The following ZMYM5 variants were observed in gnomAD, a reference collection of about 807,000 sequenced individuals.
The protein encoded by ZMYM5 is zinc finger MYM-type containing 5, also known as zinc finger MYM-type protein 5.
ZMYM5 carries 41 observed loss-of-function variants against 61.8 expected under a neutral mutation model. The observed-to-expected ratio is 0.66, with a 90% CI of 0.52 to 0.86. The LOEUF (loss-of-function observed/expected upper bound fraction) is 0.86, where lower values mean the gene tolerates loss of function less well. Among genes scored for constraint, ZMYM5 ranks in the 40% least tolerant of loss-of-function variants. The probability of loss-of-function intolerance (pLI) is 0.00; values close to 1 mark genes in which losing one functional copy is unlikely to be tolerated. For missense variants in ZMYM5, 706 were observed against 786.7 expected (o/e 0.90, Z 1.23); for synonymous variants, 257 against 276.4 (o/e 0.93, Z 0.70).
chr13:19,837,386 TA>T, intron 6 of ZMYM5: 1 of 1,420,980 alleles, frequency 7.0e-7, no homozygotes, highest in Non-Finnish European at 9.2e-7. Flanking sequence ...ATGTCATCAG[TA>T]ATAACAAAAT....
chr13:19,841,018 A>T (rs1198150522), intron 4 of ZMYM5, among the ~76,000 whole-genome samples: 1 of 136,662 alleles, frequency 7.3e-6, no homozygotes, highest in Non-Finnish European at 1.5e-5. Context: ...TTTGAGACAG[A>T]GTCTTGCACT....
chr13:19,849,985 A>G (rs1190506251), intron 4 of ZMYM5, among the ~76,000 whole-genome samples: 1 of 151,966 alleles, frequency 6.6e-6, no homozygotes, highest in East Asian at 1.9e-4. Context: ...TCAAAAAAAA[A>G]AAAGGGAAAA....
intron 7 of ZMYM5, among the ~76,000 whole-genome samples, chr13:19,829,706 C>T (rs1593845089): frequency 6.6e-6 from 1 of 152,272 alleles, no homozygotes; most frequent in African/African-American, 2.4e-5. Flanking sequence ...TTGACCCTCT[C>T]GCCTCAGTCT....
chr13:19,850,136 G>C (rs961108904), intron 4 of ZMYM5, among the ~76,000 whole-genome samples: 2 of 151,818 alleles, frequency 1.3e-5, no homozygotes, highest in African/African-American at 4.8e-5. Context: ...CCCCTCACAA[G>C]TCACATAAAA....
intron 2 of ZMYM5, among the ~76,000 whole-genome samples, chr13:19,858,585 C>CA (rs34468029): frequency 0.73 from 62,580 of 85,412 alleles, 23,951 homozygotes; most frequent in East Asian, 0.92. Flanking sequence ...GACGCTGTTT[C>CA]AAAAAAAAAA....
At chr13:19,828,015 T>C (rs866203789) in intron 7 of ZMYM5, among the ~76,000 whole-genome samples, 491 of 36,964 alleles carry the variant, frequency 0.013, 6 homozygotes, top group African/African-American at 0.046. Flanking sequence ...CGAGACTCCA[T>C]CTCAAAAAAA....
At chr13:19,843,520 A>G (rs1952960285) in intron 4 of ZMYM5, 1 of 152,122 alleles carries the variant, frequency 6.6e-6, no homozygotes, top group Non-Finnish European at 1.5e-5. Flanking sequence ...GTAAGAAAGT[A>G]TTATAAAACA....
At position 19,837,626 on chromosome 13, in the gene ZMYM5, AAAC is replaced by A. The variant is rs747434687; in HGVS notation, c.1038+27_1038+29del. The A allele has an allele frequency of 6.9e-6, 11 of 1,601,880 alleles. No individual in the cohort carries two copies. The Admixed American group carries it at 7.2e-5, about 10-fold the overall frequency. On this transcript the variant is annotated intron_variant, in intron 6 of 7. Coordinates refer to ENST00000337963, the MANE Select transcript of ZMYM5 (RefSeq NM_001142684.2). ...AAGTTAAAATTATCACTGTTAGCCT[AAAC>A]AACAACTTAGGTATAAAAATCCAGA...
chr13:19,846,979 G>A lies in ZMYM5; in HGVS notation c.586+4376C>T, dbSNP rs1055698251. ...AAAAAAATTTTTTTGAGACAGTCTC[G>A]CTCTGCTGCCCAGGCTGGAGTGCAA... On this transcript the variant is annotated intron_variant, in intron 4 of 7. Coordinates refer to ENST00000337963, the MANE Select transcript of ZMYM5 (RefSeq NM_001142684.2). Among the ~76,000 whole-genome samples the A allele has an allele frequency of 3.3e-5, 5 of 152,066 alleles. 1 individual carries two copies. The highest frequency in any genetic ancestry group is 2.0e-4 in the Admixed American group (3 of 15,222).
At chr13:19,855,069 T>A (rs191694370) in intron 2 of ZMYM5, among the ~76,000 whole-genome samples, 1 of 152,200 alleles carries the variant, frequency 6.6e-6, no homozygotes, top group African/African-American at 2.4e-5. Flanking sequence ...TGAAAAAGAT[T>A]GGGGGCCAGG....
intron 7 of ZMYM5, among the ~76,000 whole-genome samples, chr13:19,825,689 AAAG>A (rs1890879065): frequency 6.6e-6 from 1 of 151,874 alleles, no homozygotes; most frequent in Non-Finnish European, 1.5e-5. Flanking sequence ...ACAAGTCCCA[AAAG>A]AAGAAGAAAA....
intron 2 of ZMYM5, among the ~76,000 whole-genome samples, chr13:19,854,756 G>C (rs1421843079): frequency 2.0e-5 from 3 of 151,934 alleles, no homozygotes; most frequent in East Asian, 1.9e-4. Flanking sequence ...AAGTGAGGAA[G>C]GAACTATTAC....
At chr13:19,858,322 C>T (rs1199266615) in intron 2 of ZMYM5, among the ~76,000 whole-genome samples, 1 of 151,962 alleles carries the variant, frequency 6.6e-6, no homozygotes, top group East Asian at 1.9e-4. Flanking sequence ...CAGTATAATG[C>T]CCCTGTAATC....
At chr13:19,856,391 A>T (rs1043814377) in intron 2 of ZMYM5, among the ~76,000 whole-genome samples, 1 of 152,152 alleles carries the variant, frequency 6.6e-6, no homozygotes. Context: ...CTGTAATCCC[A>T]GCACTTTGGG....
Position 19,825,094 on chromosome 13 carries a change from T to C in ZMYM5, c.1393A>G (p.Lys465Glu). The C allele has an allele frequency of 2.9e-6, 4 of 1,367,316 alleles. No individual in the cohort carries two copies. Among genetic ancestry groups the C allele is most frequent in the Non-Finnish European group, 2.9e-6 (3 of 1,021,718 alleles). 84.7% of individuals were successfully genotyped at this position (1,367,316 alleles called of 1,614,324 possible). The change falls in exon 8 of 8, where the codon AAG becomes GAG. Residue 465 changes from lysine (K) to glutamate (E), a missense_variant. By Grantham distance (56) the Lys-to-Glu change is moderately conservative (BLOSUM62 1). This residue lies in a region of ZMYM5 where 226 missense variants were observed against 325.0 expected (regional missense o/e 0.70). Coordinates refer to ENST00000337963, the MANE Select transcript of ZMYM5 (RefSeq NM_001142684.2). The stretch of plus-strand genomic sequence containing the variant: ...ACTGAAAGCTGTAGCTGTGAAGTCT[T>C]TTCCTTTTTTTCTGGGATTCCCTCT... Reference protein sequence around the residue: ...KIEGIPEKKEKTSQLQLSVEC... With the variant: ...KIEGIPEKKEETSQLQLSVEC...
chr13:19,844,482 G>T (rs1953005610), intron 4 of ZMYM5, among the ~76,000 whole-genome samples: 1 of 152,160 alleles, frequency 6.6e-6, no homozygotes, highest in Non-Finnish European at 1.5e-5. Flanking sequence ...GGTGACAGAT[G>T]TGAATTTGAG....
At chr13:19,840,054 T>C (rs897794356) in intron 4 of ZMYM5, among the ~76,000 whole-genome samples, 5 of 152,258 alleles carry the variant, frequency 3.3e-5, no homozygotes, top group African/African-American at 1.2e-4. Context: ...AGAAATCTGA[T>C]ACTCTGCATT....
chr13:19,842,240 C>A (rs1381158074), intron 4 of ZMYM5, among the ~76,000 whole-genome samples: 1 of 152,158 alleles, frequency 6.6e-6, no homozygotes, highest in Admixed American at 6.6e-5. Context: ...GCTGGCCAGA[C>A]CCTTTCCCGC....
Position 19,851,400 on chromosome 13 carries a change from C to T in ZMYM5, c.541G>A (p.Gly181Arg), listed in dbSNP as rs1282528430. 1.2e-6 allele frequency: 2 copies of T among 1,614,138 alleles called. No individual in the cohort carries two copies. The highest frequency in any genetic ancestry group is 8.5e-7 in the Non-Finnish European group (1 of 1,180,036). The change falls in exon 4 of 8, where the codon GGA (glycine) becomes AGA (arginine). Residue 181 changes from glycine to arginine, a missense_variant. Gly to Arg is a moderately radical substitution (Grantham distance 125). Coordinates refer to ENST00000337963, the MANE Select transcript of ZMYM5 (RefSeq NM_001142684.2). ...PFNPGRMNVAGDLFQNGEFAT... is the reference protein window; with the variant it reads ...PFNPGRMNVARDLFQNGEFAT... Reference sequence around the variant, plus strand: ...AATTCTCCATTCTGAAATAAGTCTCCTGCCACATTCATTCTACCAGGGTTA... The same window carrying T: ...AATTCTCCATTCTGAAATAAGTCTCTTGCCACATTCATTCTACCAGGGTTA...
Sources: allele counts gnomAD v4.1 joint callset (sites outside exome capture counted in the v4.1 genomes callset), GRCh38; gene constraint gnomAD v4.1.1; regional missense constraint gnomAD v4.1.1; transcripts MANE v1.5; gene names NCBI Gene and HGNC (gene_info 2026-07-23, HGNC 2026-07-21).